Variants in KIRREL3 observed in about 807,000 individuals in gnomAD.
The protein encoded by KIRREL3 is kin of IRRE-like protein 3.
In KIRREL3, 36 loss-of-function variants were observed where a neutral mutation model predicts 89.7. The ratio of observed to expected loss-of-function variants is 0.40; its 90% CI spans 0.31 to 0.53. The LOEUF is 0.53. Among genes scored for constraint, KIRREL3 ranks in the 20% least tolerant of loss-of-function variants. The pLI, the probability that KIRREL3 is intolerant of heterozygous loss-of-function variation, is 0.49. For synonymous variants in KIRREL3, 445 were observed against 441.4 expected (o/e 1.01, Z -0.10); for missense variants, 864 against 1,056.6 (o/e 0.82, Z 2.53).
rs948042012 is a variant in KIRREL3, at chr11:126,430,882, G to A, written c.1696+537C>T. On this transcript the variant is annotated intron_variant, in intron 14 of 16. Transcript: ENST00000525144. The surrounding 1 kb of genome is among the most constrained non-coding windows in gnomAD (Gnocchi z 6.6). ...CTCACACGTTATCTCCTCGGTGCAC[G>A]CAATTCTTCAAGCGTGCACAAACAC... is the stretch of plus-strand genomic sequence containing the variant. 3.9e-5 allele frequency: 28 copies of A among 710,330 alleles called. No individual in the cohort carries two copies. Among genetic ancestry groups the A allele is most frequent in the Middle Eastern group, 7.0e-4 (1 of 1,422 alleles). 44.0% of individuals were successfully genotyped at this position (710,330 alleles called of 1,614,324 possible). A position where few individuals can be genotyped will look rare whatever the true frequency, so the allele number is the denominator to read the frequency against.
rs976062359 is a variant in KIRREL3, at chr11:126,684,849, G to A, written c.56-121937C>T. ...AGAGGTAGTGTTGGCTTGGACCACAGCGGGAGGGACCTGGGAAGAGGGAGA... is the reference window on the plus strand; with the variant it reads ...AGAGGTAGTGTTGGCTTGGACCACAACGGGAGGGACCTGGGAAGAGGGAGA... On this transcript the variant is annotated intron_variant, in intron 1 of 16. Transcript: ENST00000525144. This position sits in a 1 kb window ranked among gnomAD's most constrained non-coding sequence, Gnocchi z 4.2. 1.3e-5 allele frequency among the ~76,000 whole-genome samples: 2 copies of A among 152,170 alleles called. No homozygotes were observed. The highest frequency in any genetic ancestry group is 2.9e-5 in the Non-Finnish European group (2 of 68,020).
rs569944833 is a variant in KIRREL3 at position 126,562,274 on chromosome 11, A to G, written c.133+561T>C. ...CGTTTCTCAAGCCTTCAGTGACCCA[A>G]TGAAGCCAGTGCAAGAGGAAGACAG... On this transcript the variant is annotated intron_variant, in intron 2 of 16. Coordinates refer to ENST00000525144, the MANE Select transcript of KIRREL3 (RefSeq NM_032531.4). This position sits in a 1 kb window ranked among gnomAD's most constrained non-coding sequence, Gnocchi z 4.7. Among the ~76,000 whole-genome samples the G allele has an allele frequency of 1.1e-4, 16 of 152,248 alleles. No homozygotes were observed. The highest frequency in any genetic ancestry group is 2.2e-4 in the African/African-American group (9 of 41,554).
rs1200897128 is a variant in KIRREL3, at chr11:126,531,312, C to T, written c.134-4625G>A. 6.6e-6 allele frequency among the ~76,000 whole-genome samples: 1 copy of T among 152,224 alleles called. No individual in the cohort carries two copies. The highest frequency in any genetic ancestry group is 1.5e-5 in the Non-Finnish European group (1 of 68,038). Reference sequence around the variant, plus strand: ...TTGCCTGATCCATTAATGTGCTGAACCTGGATTTTCCGTCTTAATTCACCA... The same window carrying T: ...TTGCCTGATCCATTAATGTGCTGAATCTGGATTTTCCGTCTTAATTCACCA... On this transcript the variant is annotated intron_variant, in intron 2 of 16. Transcript: ENST00000525144. The surrounding 1 kb of genome is among the most constrained non-coding windows in gnomAD (Gnocchi z 4.7).
intron 1 of KIRREL3, among the ~76,000 whole-genome samples, chr11:126,899,771 C>T (rs997736607): frequency 6.6e-6 from 1 of 152,152 alleles, no homozygotes; most frequent in Non-Finnish European, 1.5e-5. Flanking sequence ...AGCAGCTGCC[C>T]CTGAAGTTCT....
intron 1 of KIRREL3, among the ~76,000 whole-genome samples, chr11:126,826,669 G>A (rs1381733567): frequency 6.6e-6 from 1 of 152,236 alleles, no homozygotes; most frequent in Non-Finnish European, 1.5e-5. Context: ...ACAGAAGCTG[G>A]CTCTCCTTCA....
chr11:126,965,812 G>A lies in KIRREL3; in HGVS notation c.55+34643C>T, dbSNP rs1025022625. On this transcript the variant is annotated intron_variant, in intron 1 of 16. Transcript: ENST00000525144. The surrounding 1 kb of genome is among the most constrained non-coding windows in gnomAD (Gnocchi z 4.4). ...GAGTGAGTGCTTCCAGAGTGCCAGC[G>A]ATGATAGCCAGACAGGTGACAGAAC... 2.6e-5 allele frequency among the ~76,000 whole-genome samples: 4 copies of A among 152,158 alleles called. No individual in the cohort carries two copies. The highest frequency in any genetic ancestry group is 5.9e-5 in the Non-Finnish European group (4 of 68,038).
At chr11:126,998,191 C>T (rs1390424789) in intron 1 of KIRREL3, among the ~76,000 whole-genome samples, 1 of 152,180 alleles carries the variant, frequency 6.6e-6, no homozygotes, top group South Asian at 2.1e-4. Context: ...CAAATAGAAT[C>T]CTCTGGGGAA....
chr11:126,831,004 T>C (rs1943585202), intron 1 of KIRREL3, among the ~76,000 whole-genome samples: 1 of 152,150 alleles, frequency 6.6e-6, no homozygotes. Flanking sequence ...AGCATAGCAG[T>C]TAGGAGCATG....
chr11:126,434,275 A>G (rs1309680824), intron 13 of KIRREL3, among the ~76,000 whole-genome samples: 1 of 152,138 alleles, frequency 6.6e-6, no homozygotes, highest in East Asian at 1.9e-4. Flanking sequence ...GGAGCCACCG[A>G]GGGGGGAAGG....
At chr11:126,757,559 C>T (rs1328904392) in intron 1 of KIRREL3, among the ~76,000 whole-genome samples, 1 of 152,130 alleles carries the variant, frequency 6.6e-6, no homozygotes, top group African/African-American at 2.4e-5. Context: ...TTGAGACCTA[C>T]AGGATAGGCA....
intron 1 of KIRREL3, among the ~76,000 whole-genome samples, chr11:126,939,576 T>A (rs1367777345): frequency 6.6e-6 from 1 of 152,144 alleles, no homozygotes; most frequent in East Asian, 1.9e-4. Flanking sequence ...GCTCCTCTGG[T>A]AGGCTGCAAG....
At chr11:126,435,227 T>TC in intron 13 of KIRREL3, 41 bp downstream of exon 13, 1 of 1,609,344 alleles carries the variant, frequency 6.2e-7, no homozygotes, top group Non-Finnish European at 8.5e-7. Context: ...GGAAGTCCCT[T>TC]CCCCCCTTCC....
chr11:126,637,861 C>T (rs144927743), intron 1 of KIRREL3, among the ~76,000 whole-genome samples: 1 of 152,340 alleles, frequency 6.6e-6, no homozygotes, highest in African/African-American at 2.4e-5. Flanking sequence ...AGGACATACA[C>T]ATGATAGCTG....
intron 1 of KIRREL3, among the ~76,000 whole-genome samples, chr11:126,706,930 T>C (rs1312727002): frequency 1.3e-5 from 2 of 151,722 alleles, no homozygotes; most frequent in African/African-American, 2.4e-5. Flanking sequence ...TTTCCACAGA[T>C]TGTTTTTTGA....
rs146021271 is a variant in KIRREL3, at chr11:126,573,854, G to A, written c.56-10942C>T. 5.4e-3 allele frequency among the ~76,000 whole-genome samples: 824 copies of A among 152,252 alleles called. 6 individuals are homozygous for A. Among genetic ancestry groups the A allele is most frequent in the African/African-American group, 0.018 (763 of 41,536 alleles). On this transcript the variant is annotated intron_variant, in intron 1 of 16. Coordinates refer to ENST00000525144, the MANE Select transcript of KIRREL3 (RefSeq NM_032531.4). The stretch of plus-strand genomic sequence containing the variant: ...GAGACCACAGGGTGGCAGCAGATCC[G>A]CGGGGGGACCTCTTGCTGGGGGGAT...
intron 1 of KIRREL3, among the ~76,000 whole-genome samples, chr11:126,863,353 G>GTGTGTGTT: frequency 6.6e-6 from 1 of 151,532 alleles, no homozygotes; most frequent in African/African-American, 2.4e-5. Context: ...ATGGGTGCAT[G>GTGTGTGTT]TGAGTGTGTG....
rs571532015 is a variant in KIRREL3 at position 126,574,424 on chromosome 11, T to C, written c.56-11512A>G. 1.2e-3 allele frequency among the ~76,000 whole-genome samples: 178 copies of C among 152,314 alleles called. No individual in the cohort carries two copies. Among genetic ancestry groups the C allele is most frequent in the African/African-American group, 4.2e-3 (174 of 41,570 alleles). On this transcript the variant is annotated intron_variant, in intron 1 of 16. Transcript: ENST00000525144. The surrounding 1 kb of genome is among the most constrained non-coding windows in gnomAD (Gnocchi z 5.3). ...TGGGCAAAGGAGAGCATGATGGCTT[T>C]GAGTATGGAATCAACCTCAAACAGG... is the stretch of plus-strand genomic sequence containing the variant.
chr11:126,783,119 C>A lies in KIRREL3; in HGVS notation c.55+217336G>T, dbSNP rs1950378659. Among the ~76,000 whole-genome samples the A allele has an allele frequency of 6.6e-6, 1 of 152,196 alleles. No homozygotes were observed. The highest frequency in any genetic ancestry group is 6.5e-5 in the Admixed American group (1 of 15,286). ...TATTCTCTCACAGTTCCGGAGAATG[C>A]ACGTTTAAAAATTAAGGTGTCTGCA... On this transcript the variant is annotated intron_variant, in intron 1 of 16. Coordinates refer to ENST00000525144, the MANE Select transcript of KIRREL3 (RefSeq NM_032531.4). This position sits in a 1 kb window ranked among gnomAD's most constrained non-coding sequence, Gnocchi z 4.3.
At chr11:126,939,791 A>T (rs1317443560) in intron 1 of KIRREL3, among the ~76,000 whole-genome samples, 1 of 152,212 alleles carries the variant, frequency 6.6e-6, no homozygotes, top group Non-Finnish European at 1.5e-5. Context: ...ATATTATAGC[A>T]AATCTTATCA....
Sources: gnomAD v4.1 joint callset for allele counts (sites outside exome capture counted in the v4.1 genomes callset) on GRCh38, gnomAD v4.1.1 for gene constraint, Gnocchi (gnomAD v3.1) non-coding constraint, MANE v1.5 for transcripts, NCBI Gene and HGNC (gene_info 2026-07-23, HGNC 2026-07-21) for gene names.